The following MEGF11 variants were observed in gnomAD, a reference collection of about 807,000 sequenced individuals.
The protein encoded by MEGF11 is multiple epidermal growth factor-like domains protein 11.
A neutral mutation model predicts 146.6 loss-of-function variants in MEGF11; 126 were observed. The ratio of observed to expected loss-of-function variants is 0.86; its 90% CI spans 0.74 to 1.00. The LOEUF (loss-of-function observed/expected upper bound fraction) is 1.00, where lower values mean the gene tolerates loss of function less well. MEGF11 is among the 50% of genes least tolerant of loss of function. MEGF11 has a pLI of 0.00. For synonymous variants in MEGF11, 532 were observed against 583.4 expected (o/e 0.91, Z 1.27); for missense variants, 1,509 against 1,521.2 (o/e 0.99, Z 0.13).
rs898296687 is a variant in MEGF11 at position 65,897,297 on chromosome 15, A to G, written c.*637T>C. The G allele has an allele frequency of 1.3e-5, 2 of 152,172 alleles. No individual in the cohort carries two copies. Among genetic ancestry groups the G allele is most frequent in the African/African-American group, 4.8e-5 (2 of 41,434 alleles). 9.4% of individuals were successfully genotyped at this position (152,172 alleles called of 1,614,324 possible). On this transcript the variant is annotated 3_prime_UTR_variant, in exon 26 of 26. Coordinates refer to ENST00000395614, the MANE Select transcript of MEGF11 (RefSeq NM_001385028.1). ...TGTGTGTGTGTCTCTGTGTGTTTAA[A>G]CCTATCACTTAGGGGGCAGAAGAAA...
intron 1 of MEGF11, among the ~76,000 whole-genome samples, chr15:66,140,649 A>T (rs546280467): frequency 8.6e-4 from 131 of 152,370 alleles, no homozygotes; most frequent in African/African-American, 3.0e-3. Context: ...ACGGGAGGCA[A>T]GCCAGAAGCT....
chr15:66,107,396 A>G (rs2087144783), intron 4 of MEGF11, among the ~76,000 whole-genome samples: 1 of 152,198 alleles, frequency 6.6e-6, no homozygotes, highest in African/African-American at 2.4e-5. Context: ...AAAGCCCATT[A>G]GTGGCCAGGA....
intron 4 of MEGF11, 136 bp from the exon 5 acceptor site, chr15:66,094,630 G>T (rs1171986485): frequency 1.5e-6 from 1 of 671,214 alleles, no homozygotes. Context: ...GGCTTGGGGG[G>T]GAAAATCAAG....
At chr15:65,952,060 ATAT>A (rs1438296278) in intron 10 of MEGF11, among the ~76,000 whole-genome samples, 3 of 152,250 alleles carry the variant, frequency 2.0e-5, no homozygotes, top group Middle Eastern at 3.4e-3. Flanking sequence ...ATTTTATAGC[ATAT>A]TATTATAATT....
chr15:65,947,836 G>A (rs1041950190), intron 10 of MEGF11, among the ~76,000 whole-genome samples: 1 of 152,134 alleles, frequency 6.6e-6, no homozygotes, highest in Non-Finnish European at 1.5e-5. Flanking sequence ...AGATTGCTGC[G>A]GCCACTAGGC....
chr15:66,179,567 A>G (rs776508615), intron 1 of MEGF11, among the ~76,000 whole-genome samples: 5 of 152,104 alleles, frequency 3.3e-5, no homozygotes, highest in African/African-American at 9.7e-5. Flanking sequence ...GCAGTGCACC[A>G]CGTCCCTGAG....
At position 66,085,503 on chromosome 15, in the gene MEGF11, C is replaced by G. The variant is rs540917171; in HGVS notation, c.394+8899G>C. Reference sequence around the variant, plus strand: ...CATAGACAGTTTACATCACAGGACTCTGTGCAGACAACCCCCAGTACCAAC... The same window carrying G: ...CATAGACAGTTTACATCACAGGACTGTGTGCAGACAACCCCCAGTACCAAC... On this transcript the variant is annotated intron_variant, in intron 5 of 25. Coordinates refer to ENST00000395614, the MANE Select transcript of MEGF11 (RefSeq NM_001385028.1). Among the ~76,000 whole-genome samples the G allele has an allele frequency of 8.8e-4, 134 of 152,362 alleles. 1 individual carries two copies. The highest frequency in any genetic ancestry group is 3.4e-4 in the Non-Finnish European group (23 of 68,046).
At chr15:66,090,646 A>G (rs2086283261) in intron 5 of MEGF11, among the ~76,000 whole-genome samples, 1 of 152,236 alleles carries the variant, frequency 6.6e-6, no homozygotes, top group African/African-American at 2.4e-5. Context: ...AGCAGGCCCC[A>G]CGAATCTTGG....
intron 7 of MEGF11, among the ~76,000 whole-genome samples, chr15:65,977,774 G>GTA (rs909660494): frequency 6.6e-6 from 1 of 151,908 alleles, no homozygotes; most frequent in African/African-American, 2.4e-5. Context: ...GTGTGTGTGT[G>GTA]TATGCATGTA....
intron 5 of MEGF11, among the ~76,000 whole-genome samples, chr15:66,061,548 C>G (rs1320851465): frequency 3.3e-5 from 5 of 151,916 alleles, no homozygotes; most frequent in Admixed American, 3.3e-4. Flanking sequence ...ATGACCTACT[C>G]AATAAGATGA....
chr15:66,036,706 T>C (rs1304336724), intron 5 of MEGF11, among the ~76,000 whole-genome samples: 1 of 152,146 alleles, frequency 6.6e-6, no homozygotes, highest in East Asian at 1.9e-4. Context: ...GGGAGGCAAA[T>C]TAATTCACCA....
At chr15:66,049,160 C>T (rs1457888134) in intron 5 of MEGF11, among the ~76,000 whole-genome samples, 1 of 152,156 alleles carries the variant, frequency 6.6e-6, no homozygotes, top group Non-Finnish European at 1.5e-5. Context: ...AGTATTGGCT[C>T]CCAGATGGGC....
intron 5 of MEGF11, among the ~76,000 whole-genome samples, chr15:66,075,565 A>G (rs989385930): frequency 6.6e-6 from 1 of 152,202 alleles, no homozygotes; most frequent in Non-Finnish European, 1.5e-5. Flanking sequence ...GTGAGCTTAC[A>G]GCAGCACAGT....
chr15:65,973,334 C>CT (rs899779852), intron 7 of MEGF11, among the ~76,000 whole-genome samples: 1 of 152,128 alleles, frequency 6.6e-6, no homozygotes, highest in Admixed American at 6.5e-5. Flanking sequence ...AAAAACAAAA[C>CT]AAAAGCAAAA....
At chr15:66,124,124 A>G in intron 2 of MEGF11, 124 bp from the exon 3 acceptor site, 1 of 707,228 alleles carries the variant, frequency 1.4e-6, no homozygotes, top group Middle Eastern at 3.1e-4. Context: ...GGAGGCTCTG[A>G]CCTCCCCCCT....
At chr15:66,006,056 C>G (rs2082510815) in intron 5 of MEGF11, among the ~76,000 whole-genome samples, 1 of 152,228 alleles carries the variant, frequency 6.6e-6, no homozygotes, top group Non-Finnish European at 1.5e-5. Flanking sequence ...GGTATTTAAT[C>G]TTTCTAAGCC....
intron 5 of MEGF11, among the ~76,000 whole-genome samples, chr15:66,042,833 G>A (rs2084043484): frequency 6.6e-6 from 1 of 152,206 alleles, no homozygotes; most frequent in African/African-American, 2.4e-5. Context: ...TACTGGATCA[G>A]GTGCCCAGCC....
intron 5 of MEGF11, among the ~76,000 whole-genome samples, chr15:66,005,689 A>G (rs982266133): frequency 2.0e-5 from 3 of 152,168 alleles, no homozygotes; most frequent in African/African-American, 7.2e-5. Flanking sequence ...GGGCAGTGAC[A>G]TATCTTAGGT....
intron 5 of MEGF11, among the ~76,000 whole-genome samples, chr15:66,030,105 G>A (rs2083463433): frequency 6.6e-6 from 1 of 152,184 alleles, no homozygotes; most frequent in African/African-American, 2.4e-5. Flanking sequence ...CAGTGACAAT[G>A]TCCTTCAGGC....
Sources: gnomAD v4.1 joint callset for allele counts (sites outside exome capture counted in the v4.1 genomes callset) on GRCh38, gnomAD v4.1.1 for gene constraint, MANE v1.5 for transcripts, NCBI Gene and HGNC (gene_info 2026-07-23, HGNC 2026-07-21) for gene names.